The following AHCTF1 variants were observed in gnomAD, a reference collection of about 807,000 sequenced individuals.
AHCTF1 encodes protein ELYS.
AHCTF1 carries 24 observed loss-of-function variants against 248.4 expected under a neutral mutation model. The observed-to-expected ratio is 0.10, with a 90% confidence interval of 0.07 to 0.14. AHCTF1 has a LOEUF of 0.14. Ranked by LOEUF, AHCTF1 falls within the 10% of genes least tolerant of loss-of-function variation. AHCTF1 has a pLI of 1.00. For synonymous variants in AHCTF1, 786 were observed against 929.8 expected (o/e 0.85, Z 2.81); for missense variants, 2,206 against 2,636.2 (o/e 0.84, Z 3.57).
intron 15 of AHCTF1, 21 bp downstream of exon 15, chr1:246,891,758 T>C: frequency 6.2e-7 from 1 of 1,601,036 alleles, no homozygotes; most frequent in Non-Finnish European, 8.5e-7. Flanking sequence ...AAACACTCAT[T>C]TGATAAAACA....
intron 17 of AHCTF1, among the ~76,000 whole-genome samples, chr1:246,888,800 C>T (rs760589163): frequency 6.6e-5 from 10 of 152,062 alleles, no homozygotes; most frequent in Non-Finnish European, 1.3e-4. Flanking sequence ...GTCCTAGCCA[C>T]TCAGGAGGAT....
At chr1:246,927,035 G>A (rs1470197787) in intron 1 of AHCTF1, among the ~76,000 whole-genome samples, 1 of 151,708 alleles carries the variant, frequency 6.6e-6, no homozygotes. Flanking sequence ...AAAATTAGCA[G>A]GGCGTGGTGA....
At chr1:246,890,301 A>C (rs1257337446) in intron 16 of AHCTF1, among the ~76,000 whole-genome samples, 1 of 152,212 alleles carries the variant, frequency 6.6e-6, no homozygotes, top group Non-Finnish European at 1.5e-5. Context: ...AAACTGTTCT[A>C]AATAACTTTA....
rs781454737 is a variant in AHCTF1 at position 246,877,227 on chromosome 1, C to T, written c.2736G>A (p.Met912Ile). ...RLNIEELLKH[M>I]YEVCQEMGLM... is the part of the protein sequence containing the mutation. ...AGCCCATTTCCTGACAGACTTCATA[C>T]ATGTGCTTCAGTAACTCCTCTATAT... is the stretch of plus-strand genomic sequence containing the variant. The change falls in exon 22 of 36, where the codon ATG (methionine) becomes ATA (isoleucine). Residue 912 changes from methionine to isoleucine, a missense_variant. Around this residue, in one of 6 missense-constraint regions of AHCTF1, gnomAD observed 955 missense variants for 1,055.6 expected, o/e 0.90. Transcript: ENST00000648844. 2.5e-6 allele frequency: 4 copies of T among 1,613,384 alleles called. No individual in the cohort carries two copies. Among genetic ancestry groups the T allele is most frequent in the East Asian group, 2.2e-5 (1 of 44,870 alleles).
In AHCTF1 at chr1:246,872,984, G is replaced by A. The variant is rs79053065; in HGVS notation, c.3088+3053C>T. Among the ~76,000 whole-genome samples the A allele has an allele frequency of 6.0e-3, 909 of 152,202 alleles. 2 individuals carry two copies. Among genetic ancestry groups the A allele is most frequent in the African/African-American group, 0.021 (854 of 41,512 alleles). On this transcript the variant is annotated intron_variant, in intron 24 of 35. Coordinates refer to ENST00000648844, the MANE Select transcript of AHCTF1 (RefSeq NM_001323342.2). ...AGACCAACTAAACTGTTTGGACCAT[G>A]TATTATTAAGCACTCACTCTTCTCC...
intron 4 of AHCTF1, among the ~76,000 whole-genome samples, chr1:246,909,940 C>T (rs1665681455): frequency 6.6e-6 from 1 of 152,130 alleles, no homozygotes; most frequent in Non-Finnish European, 1.5e-5. Context: ...ACAAAATTCA[C>T]CCCCTGCTGA....
chr1:246,929,196 C>T (rs1667151832), intron 1 of AHCTF1, among the ~76,000 whole-genome samples: 1 of 152,066 alleles, frequency 6.6e-6, no homozygotes, highest in African/African-American at 2.4e-5. Flanking sequence ...ATCGTCTGAG[C>T]TCAGGAGTTC....
intron 15 of AHCTF1, among the ~76,000 whole-genome samples, 193 bp downstream of exon 15, chr1:246,891,586 T>C (rs1268279938): frequency 1.3e-5 from 2 of 152,210 alleles, no homozygotes; most frequent in African/African-American, 4.8e-5. Context: ...TATTTAAGCA[T>C]GGGCTCATGG....
Position 246,842,732 on chromosome 1 carries a change from C to T in AHCTF1, c.6570G>A (p.Ala2190=), listed in dbSNP as rs139055275. Reference sequence around the variant, plus strand: ...TTGTTTTTGACGTCCTGATTCGTTTCGCTTTTGGCTTTCCCAGAGTTTCTA... The same window carrying T: ...TTGTTTTTGACGTCCTGATTCGTTTTGCTTTTGGCTTTCCCAGAGTTTCTA... ...QSVETLGKPK[A]KRIRTSKTKQ... The change falls in exon 35 of 36, where the codon GCG becomes GCA. Residue 2190 remains alanine (A), a synonymous_variant. Transcript: ENST00000648844. 2.0e-5 allele frequency: 32 copies of T among 1,613,650 alleles called. No individual in the cohort carries two copies. The highest frequency in any genetic ancestry group is 9.3e-5 in the African/African-American group (7 of 74,920).
chr1:246,890,937 G>A lies in AHCTF1; in HGVS notation c.2050+19C>T. 6 of 1,411,210 alleles carry A rather than the reference G, an allele frequency of 4.3e-6. No individual in the cohort carries two copies. The highest frequency in any genetic ancestry group is 5.7e-6 in the Non-Finnish European group (6 of 1,053,882). The allele number at this position is 1,411,210 out of a possible 1,614,324, so 87.4% of individuals were successfully genotyped here. A position where few individuals can be genotyped will look rare whatever the true frequency, so the allele number is the denominator to read the frequency against. ...CAGAATGTTTTAATTAATACTTATAGATTAAGTAAATATTTTACCTATGCC... is the reference window on the plus strand; with the variant it reads ...CAGAATGTTTTAATTAATACTTATAAATTAAGTAAATATTTTACCTATGCC... On this transcript the variant is annotated intron_variant, in intron 16 of 35. Coordinates refer to ENST00000648844, the MANE Select transcript of AHCTF1 (RefSeq NM_001323342.2).
intron 1 of AHCTF1, among the ~76,000 whole-genome samples, chr1:246,918,610 G>C (rs1179633867): frequency 1.3e-5 from 2 of 152,216 alleles, no homozygotes; most frequent in African/African-American, 2.4e-5. Context: ...TGCGCCTCCA[G>C]TGAGCTATGA....
In AHCTF1 at chr1:246,888,237, T is replaced by C. The variant is rs372036407; in HGVS notation, c.2269-4A>G. On this transcript the variant is annotated splice_region_variant and splice_polypyrimidine_tract_variant and intron_variant, in intron 18 of 35. Transcript: ENST00000648844. ...ATAGGTACATATCAAGTACTGCCTA[T>C]AAAACAAAGGGATAAAACCTTCAGT... The C allele has an allele frequency of 2.5e-6, 4 of 1,613,976 alleles. No individual in the cohort carries two copies. Among genetic ancestry groups the C allele is most frequent in the Non-Finnish European group, 3.4e-6 (4 of 1,179,958 alleles).
At position 246,902,578 on chromosome 1, in the gene AHCTF1, T is replaced by C; in HGVS notation, c.1064A>G (p.Gln355Arg). Residue 355 changes from glutamine to arginine, a missense_variant, in exon 8 of 36, where the codon CAG (glutamine) becomes CGG (arginine). Physicochemically the swap from Gln to Arg is conservative, Grantham distance 43. Transcript: ENST00000648844. The part of the protein sequence containing the change: ...QTSNTKLLGC[Q>R]SIEKFRSHGD... ...ATGAGATCGAAATTTCTCTATACTCTGGCATCCCAACAATTTGGTATTACT... is the reference window on the plus strand; with the variant it reads ...ATGAGATCGAAATTTCTCTATACTCCGGCATCCCAACAATTTGGTATTACT... The C allele has an allele frequency of 6.2e-7, 1 of 1,612,276 alleles. No homozygotes were observed. Among genetic ancestry groups the C allele is most frequent in the Non-Finnish European group, 8.5e-7 (1 of 1,179,804 alleles).
rs576458752 is a variant in AHCTF1 at position 246,850,381 on chromosome 1, A to C, written c.5625T>G (p.Ile1875Met). 4 of 1,611,992 alleles carry C rather than the reference A, an allele frequency of 2.5e-6. No homozygotes were observed. The South Asian group carries it at 3.3e-5, about 13-fold the overall frequency. Residue 1875 changes from isoleucine to methionine, a missense_variant, in exon 33 of 36, where the codon ATT becomes ATG. Ile to Met is a conservative substitution (Grantham distance 10). Transcript: ENST00000648844. ...TTTCCTGATTTTCTACAGATCTTTT[A>C]ATTCTTCTAGGAGTCCTTTTTGTAA... ...SSVTKRTPRR[I>M]KRSVENQESV...
rs1030706659 is a variant in AHCTF1 at position 246,922,845 on chromosome 1, T to G, written c.-7-4468A>C. On this transcript the variant is annotated intron_variant, in intron 1 of 35. Coordinates refer to ENST00000648844, the MANE Select transcript of AHCTF1 (RefSeq NM_001323342.2). ...AAAATACAAAAAAAATAGCCGGGCG[T>G]GGTGGCAGGCGCCTGTAGTCCCAGC... Among the ~76,000 whole-genome samples, 93 of 150,200 alleles carry G rather than the reference T, an allele frequency of 6.2e-4. 1 individual carries two copies. The highest frequency in any genetic ancestry group is 5.8e-4 in the Non-Finnish European group (39 of 67,480).
At chr1:246,911,517 CTT>C (rs1318307314) in intron 4 of AHCTF1, among the ~76,000 whole-genome samples, 4 of 112,618 alleles carry the variant, frequency 3.6e-5, no homozygotes, top group African/African-American at 1.0e-4. Context: ...GAGTTTCACT[CTT>C]GTTGCCCAGG....
intron 21 of AHCTF1, among the ~76,000 whole-genome samples, chr1:246,881,330 T>C (rs1039873364): frequency 3.3e-5 from 5 of 152,178 alleles, no homozygotes; most frequent in African/African-American, 1.2e-4. Flanking sequence ...AACTGAGACA[T>C]CCACCATTAG....
chr1:246,896,663 T>C (rs1416326269), intron 12 of AHCTF1, among the ~76,000 whole-genome samples: 3 of 152,208 alleles, frequency 2.0e-5, no homozygotes, highest in African/African-American at 7.2e-5. Flanking sequence ...GTTGCAGAAT[T>C]CTGTGAATTA....
chr1:246,915,717 C>T lies in AHCTF1; in HGVS notation c.375+425G>A, dbSNP rs369528671. 2.4e-3 allele frequency among the ~76,000 whole-genome samples: 366 copies of T among 152,294 alleles called. 2 individuals are homozygous for T. Among genetic ancestry groups the T allele is most frequent in the Non-Finnish European group, 3.9e-3 (262 of 68,022 alleles). The stretch of plus-strand genomic sequence containing the variant: ...AATCTAACATATATTTTCCATAATG[C>T]TCCAATCCAAGACTATTGTCGCAAA... On this transcript the variant is annotated intron_variant, in intron 3 of 35. Transcript: ENST00000648844.
Sources: gnomAD v4.1 joint callset for allele counts (sites outside exome capture counted in the v4.1 genomes callset) on GRCh38, gnomAD v4.1.1 for gene constraint, gnomAD v4.1.1 regional missense constraint, MANE v1.5 for transcripts, NCBI Gene and HGNC (gene_info 2026-07-23, HGNC 2026-07-21) for gene names.